The following TACC2 variants were observed in gnomAD, a reference collection of about 807,000 sequenced individuals.
TACC2 encodes the protein transforming acidic coiled-coil containing protein 2.
TACC2 carries 137 observed loss-of-function variants against 227.3 expected under a neutral mutation model. That is an observed-to-expected ratio of 0.60 (90% CI 0.52 to 0.69). TACC2 has a LOEUF of 0.69. TACC2 is among the 30% of genes least tolerant of loss of function. The probability of loss-of-function intolerance (pLI) is 0.00; values close to 1 mark genes in which losing one functional copy is unlikely to be tolerated. For missense variants in TACC2, 3,470 were observed against 3,694.4 expected (o/e 0.94, Z 1.57); for synonymous variants, 1,523 against 1,487.5 (o/e 1.02, Z -0.55).
rs533585256 is a variant in TACC2, at chr10:122,180,818, C to T, written c.5835-14222C>T. Among the ~76,000 whole-genome samples, 1 of 152,274 alleles carries T rather than the reference C, an allele frequency of 6.6e-6. No homozygotes were observed. Among genetic ancestry groups the T allele is most frequent in the South Asian group, 2.1e-4 (1 of 4,828 alleles). On this transcript the variant is annotated intron_variant, in intron 7 of 22. Coordinates refer to ENST00000369005, the MANE Select transcript of TACC2 (RefSeq NM_206862.4). The surrounding 1 kb of genome is among the most constrained non-coding windows in gnomAD (Gnocchi z 4.5). ...GCAATGGCGCAGTCTCGGCTCACTG[C>T]AAACCTCTGCCTCCCAGGCTCAAGC...
chr10:122,108,796 C>G (rs185152746), intron 5 of TACC2, among the ~76,000 whole-genome samples: 3 of 150,800 alleles, frequency 2.0e-5, no homozygotes, highest in Middle Eastern at 3.2e-3. Context: ...TGCAATGGTG[C>G]GATCCCGGCT....
At chr10:122,178,279 T>C (rs1298718791) in intron 7 of TACC2, among the ~76,000 whole-genome samples, 7 of 149,248 alleles carry the variant, frequency 4.7e-5, no homozygotes, top group Non-Finnish European at 7.4e-5. Context: ...TCTTGTCGCC[T>C]AGGCTGGAGT....
intron 11 of TACC2, among the ~76,000 whole-genome samples, chr10:122,217,866 T>C (rs1029052044): frequency 6.6e-6 from 1 of 152,208 alleles, no homozygotes. Flanking sequence ...CAGCCACCTC[T>C]GTGAGGCTGC....
intron 1 of TACC2, among the ~76,000 whole-genome samples, chr10:122,017,151 C>T (rs912152693): frequency 6.6e-6 from 1 of 152,178 alleles, no homozygotes; most frequent in Non-Finnish European, 1.5e-5. Flanking sequence ...CCTCTCCTCT[C>T]TGCTCAGAGC....
At chr10:122,118,571 G>C (rs1329468065) in intron 5 of TACC2, among the ~76,000 whole-genome samples, 1 of 152,174 alleles carries the variant, frequency 6.6e-6, no homozygotes, top group Non-Finnish European at 1.5e-5. Context: ...TAGGCTCTAA[G>C]GCTTTGCTTT....
chr10:122,237,651 G>A (rs1003171042), intron 17 of TACC2, 113 bp downstream of exon 17: 2 of 1,315,868 alleles, frequency 1.5e-6, no homozygotes, highest in Admixed American at 2.5e-5. Flanking sequence ...AACGCTGCAG[G>A]CAAAGATGTG....
chr10:122,234,680 A>G (rs1162928221), intron 16 of TACC2, among the ~76,000 whole-genome samples: 1 of 152,188 alleles, frequency 6.6e-6, no homozygotes, highest in South Asian at 2.1e-4. Flanking sequence ...AACAGTCTAC[A>G]TGGTAGTGTC....
At chr10:122,191,485 TACACTA>T (rs1197692249) in intron 7 of TACC2, among the ~76,000 whole-genome samples, 1 of 152,008 alleles carries the variant, frequency 6.6e-6, no homozygotes, top group African/African-American at 2.4e-5. Context: ...ACACATAAAA[TACACTA>T]ACACTAATGA....
intron 22 of TACC2, among the ~76,000 whole-genome samples, chr10:122,250,681 G>T (rs1484273147): frequency 6.6e-6 from 1 of 152,088 alleles, no homozygotes; most frequent in Non-Finnish European, 1.5e-5. Flanking sequence ...AGCAAGAAAT[G>T]GGGCTCCTGT....
At chr10:122,019,994 C>G (rs375386817) in intron 1 of TACC2, 1 of 152,162 alleles carries the variant, frequency 6.6e-6, no homozygotes, top group African/African-American at 2.4e-5. Flanking sequence ...AGGCTTCCCT[C>G]GGCGGTTTTA....
At chr10:122,128,919 AC>A (rs775422219) in intron 5 of TACC2, among the ~76,000 whole-genome samples, 213 of 152,120 alleles carry the variant, frequency 1.4e-3, no homozygotes, top group Admixed American at 2.8e-3. Flanking sequence ...GTATGTCTAT[AC>A]ATAGACTGTA....
At chr10:122,038,945 C>A (rs1276984526) in intron 2 of TACC2, among the ~76,000 whole-genome samples, 1 of 152,074 alleles carries the variant, frequency 6.6e-6, no homozygotes, top group Non-Finnish European at 1.5e-5. Context: ...TGGCGGGGGA[C>A]ACAAGGTTCC....
At chr10:122,144,864 G>A (rs535199269) in intron 7 of TACC2, among the ~76,000 whole-genome samples, 1 of 152,332 alleles carries the variant, frequency 6.6e-6, no homozygotes, top group East Asian at 1.9e-4. Context: ...GTTGTTGGCA[G>A]AGCAGGAACA....
chr10:122,026,788 G>GT (rs1279979768), intron 2 of TACC2, among the ~76,000 whole-genome samples: 1 of 152,088 alleles, frequency 6.6e-6, no homozygotes, highest in Non-Finnish European at 1.5e-5. Context: ...GTTCCTGCAT[G>GT]TTTTTTCATT....
Position 122,087,605 on chromosome 10 carries a change from C to T in TACC2, c.5105C>T (p.Ala1702Val). 6.2e-7 allele frequency: 1 copy of T among 1,613,584 alleles called. No individual in the cohort carries two copies. Among genetic ancestry groups the T allele is most frequent in the African/African-American group, 1.3e-5 (1 of 75,076 alleles). ...PLEPGKVAGA[A>V]GEAEGDITLS... ...GAGCCTGGCAAGGTGGCAGGCGCTG[C>T]TGGGGAAGCAGAGGGTGACATCACC... Residue 1702 changes from alanine to valine, a missense_variant, in exon 4 of 23, where the codon GCT becomes GTT. Physicochemically the swap from Ala to Val is moderately conservative, Grantham distance 64. This residue lies in a region of TACC2 where 1,924 missense variants were observed against 1,978.3 expected (regional missense o/e 0.97). Transcript: ENST00000369005.
intron 2 of TACC2, among the ~76,000 whole-genome samples, chr10:122,045,577 G>T (rs1039800231): frequency 6.6e-6 from 1 of 152,236 alleles, no homozygotes; most frequent in Non-Finnish European, 1.5e-5. Flanking sequence ...TGCTGTCGTA[G>T]CAGAAAGAGA....
intron 8 of TACC2, among the ~76,000 whole-genome samples, chr10:122,208,134 C>G (rs190017880): frequency 0.01 from 1,555 of 152,198 alleles, 14 homozygotes; most frequent in Non-Finnish European, 0.017. Flanking sequence ...TTGGAGAAAC[C>G]GTTTGGTAGA....
At chr10:122,218,514 T>G (rs1182883227) in intron 11 of TACC2, among the ~76,000 whole-genome samples, 1 of 152,220 alleles carries the variant, frequency 6.6e-6, no homozygotes, top group Non-Finnish European at 1.5e-5. Flanking sequence ...GGTACCAGCA[T>G]GCAATTATGG....
At chr10:122,219,364 T>C (rs2095479609) in intron 11 of TACC2, among the ~76,000 whole-genome samples, 1 of 152,176 alleles carries the variant, frequency 6.6e-6, no homozygotes, top group African/African-American at 2.4e-5. Context: ...TGAAACACCG[T>C]AATAATGATG....
Sources: allele counts gnomAD v4.1 joint callset (sites outside exome capture counted in the v4.1 genomes callset), GRCh38; gene constraint gnomAD v4.1.1; regional missense constraint gnomAD v4.1.1; non-coding constraint Gnocchi (gnomAD v3.1); transcripts MANE v1.5; gene names NCBI Gene and HGNC (gene_info 2026-07-23, HGNC 2026-07-21).